The following SUFU variants were observed in gnomAD, a reference collection of about 807,000 sequenced individuals.
SUFU encodes the protein suppressor of fused homolog.
SUFU carries 7 observed loss-of-function variants against 58.9 expected under a neutral mutation model. That is an observed-to-expected ratio of 0.12 (90% CI 0.07 to 0.22). SUFU has a LOEUF of 0.22. SUFU is among the 10% of genes least tolerant of loss of function. The pLI is 1.00. For missense variants in SUFU, 451 were observed against 641.3 expected (o/e 0.70, Z 3.20); for synonymous variants, 232 against 254.8 (o/e 0.91, Z 0.85).
chr10:102,585,341 G>A (rs993735154), intron 3 of SUFU, among the ~76,000 whole-genome samples: 5 of 152,082 alleles, frequency 3.3e-5, no homozygotes, highest in African/African-American at 1.2e-4. Flanking sequence ...GGTCTATTAT[G>A]ACTGGCTTTT....
At chr10:102,577,585 T>C (rs1350166323) in intron 3 of SUFU, among the ~76,000 whole-genome samples, 3 of 152,112 alleles carry the variant, frequency 2.0e-5, no homozygotes, top group Non-Finnish European at 4.4e-5. Context: ...GTGATCCACC[T>C]ACCTCAGCCT....
At chr10:102,587,310 T>G (rs1590056597) in intron 3 of SUFU, among the ~76,000 whole-genome samples, 2 of 152,342 alleles carry the variant, frequency 1.3e-5, no homozygotes, top group South Asian at 4.1e-4. Flanking sequence ...TGCTTCATTT[T>G]ATATTCCACC....
At chr10:102,623,956 A>G (rs1297381173) in intron 10 of SUFU, among the ~76,000 whole-genome samples, 1 of 152,026 alleles carries the variant, frequency 6.6e-6, no homozygotes, top group African/African-American at 2.4e-5. Context: ...ATAAAAAGAA[A>G]AGTCCAGAGC....
intron 2 of SUFU, among the ~76,000 whole-genome samples, chr10:102,541,720 T>TTTTTTC (rs1228197181): frequency 6.9e-6 from 1 of 143,992 alleles, no homozygotes; most frequent in Non-Finnish European, 1.5e-5. Flanking sequence ...TTTTTTTTTT[T>TTTTTTC]TCCTTTTGAG....
chr10:102,577,827 C>T (rs1732277628), intron 3 of SUFU, among the ~76,000 whole-genome samples: 1 of 151,166 alleles, frequency 6.6e-6, no homozygotes, highest in Non-Finnish European at 1.5e-5. Context: ...ACTACAGGTG[C>T]CCACCACCAT....
At chr10:102,588,785 G>A (rs968664848) in intron 3 of SUFU, among the ~76,000 whole-genome samples, 1 of 152,072 alleles carries the variant, frequency 6.6e-6, no homozygotes, top group South Asian at 2.1e-4. Context: ...AGGTCTTCTC[G>A]AATTTCTTTC....
intron 3 of SUFU, among the ~76,000 whole-genome samples, chr10:102,587,114 T>C (rs2135849256): frequency 6.6e-6 from 1 of 152,340 alleles, no homozygotes; most frequent in South Asian, 2.1e-4. Flanking sequence ...TGATGGACAT[T>C]TGGGTTGTTT....
chr10:102,594,118 CAAATAACA>C, intron 6 of SUFU, 53 bp downstream of exon 6: 1 of 1,557,150 alleles, frequency 6.4e-7, no homozygotes, highest in Non-Finnish European at 8.9e-7. Context: ...AGGCCTCTTC[CAAATAACA>C]CTGGCTTTCA....
intron 3 of SUFU, among the ~76,000 whole-genome samples, chr10:102,553,465 T>A (rs1194895676): frequency 1.4e-5 from 2 of 138,316 alleles, no homozygotes; most frequent in African/African-American, 5.4e-5. Context: ...CAAAGGCAAA[T>A]TTTTTTTTTT....
intron 3 of SUFU, among the ~76,000 whole-genome samples, chr10:102,550,577 T>C (rs994348940): frequency 2.6e-5 from 4 of 152,184 alleles, no homozygotes; most frequent in African/African-American, 9.7e-5. Flanking sequence ...ATGGTTCTTA[T>C]ACCACCTGCC....
intron 3 of SUFU, among the ~76,000 whole-genome samples, chr10:102,552,599 T>G (rs759580501): frequency 3.9e-5 from 6 of 152,212 alleles, no homozygotes; most frequent in Non-Finnish European, 7.3e-5. Flanking sequence ...TAAGGACAAT[T>G]GGAAAAATGT....
At chr10:102,581,180 CAAAAAAAAAAAAAAAAA>C (rs71016393) in intron 3 of SUFU, among the ~76,000 whole-genome samples, 1 of 75,660 alleles carries the variant, frequency 1.3e-5, no homozygotes. Context: ...ACTCTGTCTC[CAAAAAAAAAAAAAAAAA>C]AAAAAAAAAA....
intron 3 of SUFU, among the ~76,000 whole-genome samples, chr10:102,586,974 T>G (rs1160346771): frequency 3.3e-5 from 5 of 152,372 alleles, no homozygotes; most frequent in African/African-American, 1.2e-4. Flanking sequence ...CTTTTGTGTC[T>G]AGCTTATTTC....
At chr10:102,556,131 G>A (rs369269221) in intron 3 of SUFU, among the ~76,000 whole-genome samples, 8 of 152,168 alleles carry the variant, frequency 5.3e-5, no homozygotes, top group African/African-American at 1.7e-4. Flanking sequence ...GCAGTGGGAG[G>A]CGAATGAAAG....
intron 2 of SUFU, among the ~76,000 whole-genome samples, chr10:102,523,660 G>A (rs2062575662): frequency 6.6e-6 from 1 of 152,172 alleles, no homozygotes; most frequent in Non-Finnish European, 1.5e-5. Flanking sequence ...CCACCCTCCT[G>A]GAGCCAAGCT....
chr10:102,537,445 T>G (rs1018784970), intron 2 of SUFU, among the ~76,000 whole-genome samples: 5 of 152,166 alleles, frequency 3.3e-5, no homozygotes, highest in Non-Finnish European at 7.3e-5. Context: ...ATTTACCATT[T>G]TAACCATTTT....
intron 3 of SUFU, among the ~76,000 whole-genome samples, chr10:102,565,933 T>C (rs1346991839): frequency 1.3e-5 from 2 of 152,206 alleles, no homozygotes; most frequent in Non-Finnish European, 2.9e-5. Flanking sequence ...GGAGTTTTAA[T>C]TGGTTGGCTC....
rs535044574 is a variant in SUFU at position 102,630,922 on chromosome 10, A to G, written c.*767A>G. 8.5e-6 allele frequency: 2 copies of G among 235,256 alleles called. No individual in the cohort carries two copies. The highest frequency in any genetic ancestry group is 4.4e-5 in the African/African-American group (2 of 45,454). The allele number at this position is 235,256 out of a possible 1,614,324, so 14.6% of individuals were successfully genotyped here. ...GTGGAGCCCGGGGCAGGGGGAGAGT[A>G]GAGACACTCCCTTGTGCAGCTTTGA... On this transcript the variant is annotated 3_prime_UTR_variant, in exon 12 of 12. Transcript: ENST00000369902.
intron 8 of SUFU, among the ~76,000 whole-genome samples, chr10:102,606,961 G>C (rs1463861170): frequency 6.6e-6 from 1 of 152,120 alleles, no homozygotes. Flanking sequence ...CGGGTTGGAA[G>C]GATCCTCTGG....
Sources: gnomAD v4.1 joint callset for allele counts (sites outside exome capture counted in the v4.1 genomes callset) on GRCh38, gnomAD v4.1.1 for gene constraint, MANE v1.5 for transcripts, NCBI Gene and HGNC (gene_info 2026-07-23, HGNC 2026-07-21) for gene names.